The following FOXO3 variants were observed in gnomAD, a reference collection of about 807,000 sequenced individuals.
FOXO3 encodes forkhead box O3, also known as forkhead box protein O3.
Under a neutral mutation model 41.9 loss-of-function variants are expected in FOXO3, and 4 were observed. The observed-to-expected ratio is 0.10, with a 90% CI of 0.05 to 0.22. The LOEUF is 0.22. Ranked by LOEUF, FOXO3 falls within the 10% of genes least tolerant of loss-of-function variation. The probability of loss-of-function intolerance (pLI) is 1.00; values close to 1 mark genes in which losing one functional copy is unlikely to be tolerated. For missense variants in FOXO3, 534 were observed against 906.8 expected (o/e 0.59, Z 5.28); for synonymous variants, 318 against 389.3 (o/e 0.82, Z 2.16).
At chr6:108,576,041 A>C (rs1776252558) in intron 1 of FOXO3, among the ~76,000 whole-genome samples, 1 of 152,184 alleles carries the variant, frequency 6.6e-6, no homozygotes, top group African/African-American at 2.4e-5. Context: ...TTGCTTTAGA[A>C]CACATGGACT....
intron 1 of FOXO3, among the ~76,000 whole-genome samples, chr6:108,585,475 T>C (rs1449739584): frequency 6.6e-6 from 1 of 152,234 alleles, no homozygotes; most frequent in African/African-American, 2.4e-5. Flanking sequence ...CTGAAAGATC[T>C]CAAAGTGGAT....
chr6:108,639,865 G>T (rs1778210266), intron 1 of FOXO3, among the ~76,000 whole-genome samples: 1 of 152,060 alleles, frequency 6.6e-6, no homozygotes, highest in Non-Finnish European at 1.5e-5. Flanking sequence ...ACAATACTCT[G>T]TGAATCAAAC....
chr6:108,566,072 C>T (rs1340766543), intron 1 of FOXO3, among the ~76,000 whole-genome samples: 1 of 152,128 alleles, frequency 6.6e-6, no homozygotes, highest in Non-Finnish European at 1.5e-5. Context: ...AACTAATATA[C>T]TTCCTCTTTC....
intron 2 of FOXO3, among the ~76,000 whole-genome samples, chr6:108,676,970 G>T (rs1770619792): frequency 6.6e-6 from 1 of 152,222 alleles, no homozygotes; most frequent in South Asian, 2.1e-4. Flanking sequence ...TTTACAATCT[G>T]TTTTCCTTCT....
At chr6:108,643,224 G>A (rs1778305583) in intron 1 of FOXO3, among the ~76,000 whole-genome samples, 1 of 152,082 alleles carries the variant, frequency 6.6e-6, no homozygotes, top group South Asian at 2.1e-4. Context: ...TTCATTTTTA[G>A]TTCATTCTTG....
intron 1 of FOXO3, among the ~76,000 whole-genome samples, chr6:108,594,017 C>A (rs1012462583): frequency 6.6e-6 from 1 of 152,054 alleles, no homozygotes; most frequent in African/African-American, 2.4e-5. Context: ...CCGTGACCGG[C>A]CTTTGCTGTG....
intron 1 of FOXO3, among the ~76,000 whole-genome samples, chr6:108,648,856 G>A (rs139302541): frequency 2.6e-5 from 4 of 151,970 alleles, no homozygotes; most frequent in African/African-American, 9.7e-5. Context: ...AATTAGTGAA[G>A]TGTAGGGGCG....
intron 1 of FOXO3, among the ~76,000 whole-genome samples, chr6:108,575,012 A>G (rs2802288): frequency 0.5 from 76,465 of 151,992 alleles, 21,387 homozygotes; most frequent in East Asian, 0.68. Context: ...AGGCAGCTGC[A>G]GTAGAAGTTG....
intron 1 of FOXO3, among the ~76,000 whole-genome samples, chr6:108,662,855 A>G (rs1208018731): frequency 6.6e-6 from 1 of 152,208 alleles, no homozygotes; most frequent in Non-Finnish European, 1.5e-5. Context: ...GGGCCTTTCA[A>G]TATGGGCAAT....
At chr6:108,617,920 C>A (rs1777561144) in intron 1 of FOXO3, 8 of 425,890 alleles carry the variant, frequency 1.9e-5, no homozygotes, top group Non-Finnish European at 3.5e-5. Flanking sequence ...TGTATTGGAA[C>A]CAAATTGCAG....
rs567320259 is a variant in FOXO3, at chr6:108,660,758, G to T, written c.622-2697G>T. On this transcript the variant is annotated intron_variant, in intron 1 of 2. Coordinates refer to ENST00000406360, the MANE Select transcript of FOXO3 (RefSeq NM_001455.4). ...ATGGTGGCTCATGCCTGTAATCCCA[G>T]CACTTTGGGAGGCCGAGGCGGGTGG... Among the ~76,000 whole-genome samples, 4 of 152,246 alleles carry T rather than the reference G, an allele frequency of 2.6e-5. No homozygotes were observed. The East Asian group carries it at 7.7e-4, about 29-fold the overall frequency.
At chr6:108,575,220 T>A (rs1776230517) in intron 1 of FOXO3, among the ~76,000 whole-genome samples, 1 of 152,216 alleles carries the variant, frequency 6.6e-6, no homozygotes, top group Non-Finnish European at 1.5e-5. Flanking sequence ...TCCTGAAGTG[T>A]CCTAATCATT....
At position 108,683,324 on chromosome 6, in the gene FOXO3, G is replaced by C. The variant is rs1240749929; in HGVS notation, c.*3532G>C. The C allele has an allele frequency of 6.6e-6, 1 of 152,138 alleles. No homozygotes were observed. Among genetic ancestry groups the C allele is most frequent in the African/African-American group, 2.4e-5 (1 of 41,394 alleles). 9.4% of individuals were successfully genotyped at this position (152,138 alleles called of 1,614,324 possible). On this transcript the variant is annotated 3_prime_UTR_variant, in exon 3 of 3. Coordinates refer to ENST00000406360, the MANE Select transcript of FOXO3 (RefSeq NM_001455.4). The stretch of plus-strand genomic sequence containing the variant: ...TTTCAGGTGGCTTCCAAACTTGTAC[G>C]CAGTTTAAAGATGGTGGGGACAGAC...
At chr6:108,571,141 C>T (rs558833788) in intron 1 of FOXO3, among the ~76,000 whole-genome samples, 23 of 152,300 alleles carry the variant, frequency 1.5e-4, no homozygotes, top group Admixed American at 5.2e-4. Context: ...TCCAAAGCTT[C>T]ACAGTTGCTC....
chr6:108,669,090 G>T (rs1004365140), intron 2 of FOXO3, among the ~76,000 whole-genome samples: 2 of 152,126 alleles, frequency 1.3e-5, no homozygotes, highest in Non-Finnish European at 2.9e-5. Context: ...TGCAGCCTGG[G>T]TGACAGAGCA....
chr6:108,564,885 C>G (rs1280490960), intron 1 of FOXO3, among the ~76,000 whole-genome samples: 1 of 151,896 alleles, frequency 6.6e-6, no homozygotes, highest in Non-Finnish European at 1.5e-5. Context: ...GGTGAAAAAC[C>G]TGATTTTTGG....
intron 1 of FOXO3, among the ~76,000 whole-genome samples, chr6:108,604,678 T>TG (rs1225921805): frequency 6.6e-6 from 1 of 152,182 alleles, no homozygotes; most frequent in Non-Finnish European, 1.5e-5. Context: ...CCAGTTTGGA[T>TG]GTTTCAGGCC....
intron 1 of FOXO3, among the ~76,000 whole-genome samples, chr6:108,575,053 A>G (rs1465836595): frequency 6.6e-6 from 1 of 152,128 alleles, no homozygotes; most frequent in East Asian, 1.9e-4. Context: ...TAAAGGGACA[A>G]CTCTGGGTAC....
At chr6:108,661,770 A>G (rs1390712115) in intron 1 of FOXO3, among the ~76,000 whole-genome samples, 1 of 152,242 alleles carries the variant, frequency 6.6e-6, no homozygotes, top group Admixed American at 6.5e-5. Context: ...AATCTGGGTC[A>G]TCACTGTCAA....
Sources: allele counts gnomAD v4.1 joint callset (sites outside exome capture counted in the v4.1 genomes callset), GRCh38; gene constraint gnomAD v4.1.1; transcripts MANE v1.5; gene names NCBI Gene and HGNC (gene_info 2026-07-23, HGNC 2026-07-21).